The following CRISP2 variants were observed in gnomAD, a reference collection of about 807,000 sequenced individuals.
The protein encoded by CRISP2 is cysteine-rich secretory protein 2.
A neutral mutation model predicts 31.7 loss-of-function variants in CRISP2; 29 were observed. That is an observed-to-expected ratio of 0.92 (90% CI 0.68 to 1.25). CRISP2 has a LOEUF of 1.25. Ranked by LOEUF, CRISP2 falls within the 50% of genes most tolerant of loss-of-function variation. The pLI is 0.00. For missense variants in CRISP2, 318 were observed against 286.5 expected, an observed-to-expected ratio of 1.11 and a Z score of -0.79; for synonymous variants, 111 against 101.4, an observed-to-expected ratio of 1.09 and a Z score of -0.57.
intron 4 of CRISP2, among the ~76,000 whole-genome samples, chr6:49,704,859 T>A (rs1418138773): frequency 6.6e-6 from 1 of 152,220 alleles, no homozygotes; most frequent in East Asian, 1.9e-4. Context: ...GTGGACAGTC[T>A]CAGGACCTCT....
intron 4 of CRISP2, among the ~76,000 whole-genome samples, chr6:49,702,234 A>G (rs946294634): frequency 3.6e-5 from 5 of 140,224 alleles, no homozygotes; most frequent in Non-Finnish European, 7.6e-5. Flanking sequence ...CTGGTTCTAT[A>G]TTTTTGCAAT....
downstream of CRISP2, among the ~76,000 whole-genome samples, chr6:49,691,623 G>A (rs1329624962): frequency 6.6e-6 from 1 of 151,824 alleles, no homozygotes; most frequent in East Asian, 1.9e-4. Flanking sequence ...AATGTCTTTA[G>A]TTTTAGTACT....
intron 4 of CRISP2, among the ~76,000 whole-genome samples, chr6:49,702,399 G>C (rs1439174751): frequency 6.6e-6 from 1 of 151,192 alleles, no homozygotes; most frequent in African/African-American, 2.4e-5. Flanking sequence ...GTTTTCCATA[G>C]TGCTTGTAAT....
rs1197370352 is a variant in CRISP2 at position 49,701,508 on chromosome 6, A to G, written c.67-724T>C. On this transcript the variant is annotated intron_variant, in intron 4 of 9. Coordinates refer to ENST00000339139, the MANE Select transcript of CRISP2 (RefSeq NM_003296.4). Reference sequence around the variant, plus strand: ...TACGTGTGTGTGTGTGTGTATATATATATATATATATATATATACACACAC... The same window carrying G: ...TACGTGTGTGTGTGTGTGTATATATGTATATATATATATATATACACACAC... Among the ~76,000 whole-genome samples, 110 of 126,080 alleles carry G rather than the reference A, an allele frequency of 8.7e-4. 2 individuals carry two copies. The highest frequency in any genetic ancestry group is 3.4e-3 in the African/African-American group (106 of 30,760). 82.7% of individuals were successfully genotyped at this position (126,080 alleles called of 152,430 possible). A position where few individuals can be genotyped will look rare whatever the true frequency, so the allele number is the denominator to read the frequency against.
chr6:49,699,442 A>G (rs577043414), intron 6 of CRISP2, among the ~76,000 whole-genome samples: 1 of 151,600 alleles, frequency 6.6e-6, no homozygotes, highest in South Asian at 2.1e-4. Flanking sequence ...GTTAGAAATC[A>G]GAAAGCTTGG....
At chr6:49,698,641 G>T (rs1487397581) in intron 6 of CRISP2, 134 bp from the exon 7 acceptor site, 14 of 870,382 alleles carry the variant, frequency 1.6e-5, no homozygotes, top group Non-Finnish European at 2.5e-5. Flanking sequence ...ACATAAAGGA[G>T]TGCCTCAGTT....
the CRISP2 span, among the ~76,000 whole-genome samples, chr6:49,682,587 TTTTCTTTCTTTC>T: frequency 9.9e-3 from 827 of 83,478 alleles, 5 homozygotes; most frequent in South Asian, 0.017. Context: ...CTTTCTTTCT[TTTTCTTTCTTTC>T]TTTCTTTCTT....
chr6:49,703,241 TG>T (rs1766423815), intron 4 of CRISP2, among the ~76,000 whole-genome samples: 1 of 152,168 alleles, frequency 6.6e-6, no homozygotes, highest in South Asian at 2.1e-4. Flanking sequence ...TAGTTTAAAG[TG>T]GGGTTATGCG....
At chr6:49,684,777 A>G in the CRISP2 span, among the ~76,000 whole-genome samples, 10 of 152,234 alleles carry the variant, frequency 6.6e-5, no homozygotes, top group East Asian at 1.9e-3. Flanking sequence ...TTATATGTGG[A>G]TGTGTTTGGA....
chr6:49,688,286 C>A (rs924001258), downstream of CRISP2, among the ~76,000 whole-genome samples: 1 of 152,146 alleles, frequency 6.6e-6, no homozygotes, highest in Non-Finnish European at 1.5e-5. Context: ...TTTAGAAAAG[C>A]GTGTTTGTTT....
intron 8 of CRISP2, among the ~76,000 whole-genome samples, chr6:49,696,824 A>T (rs1582036969): frequency 6.6e-6 from 1 of 152,146 alleles, no homozygotes; most frequent in East Asian, 1.9e-4. Flanking sequence ...TGTGTGTATG[A>T]GCTCTTGGAA....
In CRISP2 at chr6:49,700,692, T is replaced by C. The variant is rs57295760; in HGVS notation, c.159A>G (p.Pro53=). The C allele has an allele frequency of 6.6e-3, 10,612 of 1,598,364 alleles. 623 individuals are homozygous for C. In the African/African-American group the frequency reaches 0.12, roughly 18 times the overall value. Residue 53 remains proline, a synonymous_variant, in exon 5 of 10, where the codon CCA becomes CCG. Transcript: ENST00000339139. ...CCATCTTTAGCATGTTACTGGCAGG[T>C]GGAGAGACTGCTTTCCTTAGTTCAT... The part of the protein sequence containing the change: ...KHNELRKAVS[P]PASNMLKMEW...
At position 49,692,895 on chromosome 6, in the gene CRISP2, T is replaced by A; in HGVS notation, c.610A>T (p.Ser204Cys). The A allele has an allele frequency of 6.2e-7, 1 of 1,613,278 alleles. No homozygotes were observed. The highest frequency in any genetic ancestry group is 8.5e-7 in the Non-Finnish European group (1 of 1,179,382). Residue 204 changes from serine (S) to cysteine (C), a missense_variant, in exon 10 of 10, where the codon AGT (serine) becomes TGT (cysteine). Transcript: ENST00000339139. ...DDCDKGLCTNSCQYQDLLSNC... is the reference protein window; with the variant it reads ...DDCDKGLCTNCCQYQDLLSNC... Reference sequence around the variant, plus strand: ...CTTAGGAGATCTTGATACTGGCAACTATTGGCTGTAACAAAAACAGATTAG... The same window carrying A: ...CTTAGGAGATCTTGATACTGGCAACAATTGGCTGTAACAAAAACAGATTAG...
chr6:49,706,497 T>C (rs1767056045), intron 4 of CRISP2, among the ~76,000 whole-genome samples: 1 of 152,252 alleles, frequency 6.6e-6, no homozygotes. Context: ...GGTGCTAATA[T>C]GTTTGGTTTA....
chr6:49,709,293 A>T lies in CRISP2; in HGVS notation c.-9-88T>A, dbSNP rs539175472. 2.5e-5 allele frequency: 27 copies of T among 1,096,926 alleles called. No homozygotes were observed. In the Middle Eastern group the frequency reaches 6.2e-4, roughly 25 times the overall value. The allele number at this position is 1,096,926 out of a possible 1,614,324, so 67.9% of individuals were successfully genotyped here. A position where few individuals can be genotyped will look rare whatever the true frequency, so the allele number is the denominator to read the frequency against. On this transcript the variant is annotated intron_variant, in intron 3 of 9. Transcript: ENST00000339139. ...GAATACCAATATAATGATCTCGATT[A>T]TCTCAAAGGAACTGTGATTCCCAGA...
At position 49,695,556 on chromosome 6, in the gene CRISP2, G is replaced by A. The variant is rs371148727; in HGVS notation, c.604+280C>T. On this transcript the variant is annotated intron_variant, in intron 9 of 9. Coordinates refer to ENST00000339139, the MANE Select transcript of CRISP2 (RefSeq NM_003296.4). The stretch of plus-strand genomic sequence containing the variant: ...GAGAATTGAACTATTTACCAAAATG[G>A]TATATGGTTAATATTAAATGGCTCT... Among the ~76,000 whole-genome samples, 360 of 152,184 alleles carry A rather than the reference G, an allele frequency of 2.4e-3. 1 individual carries two copies. The highest frequency in any genetic ancestry group is 6.8e-3 in the Middle Eastern group (2 of 294).
rs370543463 is a variant in CRISP2 at position 49,699,888 on chromosome 6, A to T, written c.187T>A (p.Trp63Arg). 1 of 1,611,914 alleles carries T rather than the reference A, an allele frequency of 6.2e-7. No homozygotes were observed. Among genetic ancestry groups the T allele is most frequent in the Non-Finnish European group, 8.5e-7 (1 of 1,178,784 alleles). ...PPASNMLKME[W>R]SREVTTNAQR... ...GCATTCGTTGTTACCTCTCTGCTCC[A>T]TTCCTAAACGTCACAAGAAAACAAA... The change falls in exon 6 of 10, where the codon TGG (tryptophan) becomes AGG (arginine). Residue 63 changes from tryptophan to arginine, a missense_variant. Trp to Arg is a moderately radical substitution (Grantham distance 101). Coordinates refer to ENST00000339139, the MANE Select transcript of CRISP2 (RefSeq NM_003296.4).
intron 4 of CRISP2, among the ~76,000 whole-genome samples, chr6:49,705,411 G>C (rs1405194816): frequency 6.6e-6 from 1 of 152,136 alleles, no homozygotes; most frequent in Non-Finnish European, 1.5e-5. Flanking sequence ...TGTTGTGCAA[G>C]TCTGAGATCT....
chr6:49,700,918 T>G, intron 4 of CRISP2, 134 bp from the exon 5 acceptor site: 1 of 525,878 alleles, frequency 1.9e-6, no homozygotes, highest in Non-Finnish European at 3.3e-6. Context: ...TATTAAATAC[T>G]AAAGTTATTT....
Sources: allele counts gnomAD v4.1 joint callset (sites outside exome capture counted in the v4.1 genomes callset), GRCh38; gene constraint gnomAD v4.1.1; transcripts MANE v1.5; gene names NCBI Gene and HGNC (gene_info 2026-07-23, HGNC 2026-07-21).